EMC2: variants seen among roughly 807,000 people sequenced by gnomAD.
The protein encoded by EMC2 is ER membrane protein complex subunit 2.
A neutral mutation model predicts 51.6 loss-of-function variants in EMC2; 37 were observed. The observed-to-expected ratio is 0.72, with a 90% CI of 0.55 to 0.94. The LOEUF is 0.94. Ranked by LOEUF, EMC2 falls within the 40% of genes least tolerant of loss-of-function variation. EMC2 has a pLI of 0.00. For synonymous variants in EMC2, 131 were observed against 112.4 expected (o/e 1.17, Z -1.04); for missense variants, 359 against 350.9 (o/e 1.02, Z -0.18).
intron 5 of EMC2, among the ~76,000 whole-genome samples, chr8:108,456,263 G>A (rs1819151963): frequency 6.7e-6 from 1 of 149,458 alleles, no homozygotes; most frequent in South Asian, 2.1e-4. Context: ...AACCTGGGTG[G>A]CAGAGGTTGC....
intron 3 of EMC2, among the ~76,000 whole-genome samples, chr8:108,452,011 C>T (rs1427560738): frequency 2.0e-5 from 3 of 152,172 alleles, no homozygotes; most frequent in Admixed American, 6.5e-5. Context: ...TTAATAGTTT[C>T]ATCAGTAGTT....
intron 4 of EMC2, 101 bp downstream of exon 4, chr8:108,453,248 G>A (rs984006993): frequency 7.7e-6 from 4 of 517,230 alleles, no homozygotes; most frequent in South Asian, 3.7e-5. Context: ...GTGGAATACT[G>A]TCTCAATATG....
chr8:108,459,719 AGAGTGTGTGTGT>A (rs1819261832), intron 5 of EMC2, among the ~76,000 whole-genome samples: 4 of 128,982 alleles, frequency 3.1e-5, no homozygotes, highest in Middle Eastern at 7.4e-3. Context: ...AGAGAGAGAG[AGAGTGTGTGTGT>A]GTGTGTGTGT....
At chr8:108,447,108 A>C (rs906131445) in intron 1 of EMC2, among the ~76,000 whole-genome samples, 1 of 152,196 alleles carries the variant, frequency 6.6e-6, no homozygotes, top group Non-Finnish European at 1.5e-5. Context: ...CCTATACATG[A>C]ATCTTTGAGT....
intron 7 of EMC2, among the ~76,000 whole-genome samples, chr8:108,473,164 G>A (rs1042058157): frequency 2.0e-5 from 3 of 151,854 alleles, no homozygotes; most frequent in Admixed American, 2.0e-4. Context: ...CTGATTTATA[G>A]TTTGTTTTTA....
chr8:108,488,166 CT>C lies in EMC2; in HGVS notation c.*1586del, dbSNP rs5893921. ...CTTATAGCTGTCTGCCTTAGTTTCACTTTTTTTTTTTTTTTTTTGAGACAGT... is the reference window on the plus strand; with the variant it reads ...CTTATAGCTGTCTGCCTTAGTTTCACTTTTTTTTTTTTTTTTTGAGACAGT... On this transcript the variant is annotated 3_prime_UTR_variant, in exon 11 of 11. Transcript: ENST00000220853. 0.61 allele frequency among the ~76,000 whole-genome samples: 77,209 copies of C among 127,432 alleles called. 22,267 individuals carry two copies. The highest frequency in any genetic ancestry group is 0.7 in the South Asian group (2,725 of 3,898). The allele number at this position is 127,432 out of a possible 152,430, so 83.6% of individuals were successfully genotyped here. A position where few individuals can be genotyped will look rare whatever the true frequency, so the allele number is the denominator to read the frequency against.
At chr8:108,466,442 A>ATTATTTTTTTTT (rs1819467176) in intron 5 of EMC2, among the ~76,000 whole-genome samples, 2 of 91,062 alleles carry the variant, frequency 2.2e-5, no homozygotes, top group African/African-American at 9.4e-5. Context: ...CTATGATAGA[A>ATTATTTTTTTTT]TTTTTTTTTT....
intron 10 of EMC2, among the ~76,000 whole-genome samples, chr8:108,483,955 A>G (rs1450889491): frequency 6.6e-6 from 1 of 152,084 alleles, no homozygotes; most frequent in African/African-American, 2.4e-5. Context: ...GGATTTTTCT[A>G]CGTATTTATA....
At chr8:108,459,535 T>G (rs895888042) in intron 5 of EMC2, among the ~76,000 whole-genome samples, 2 of 152,126 alleles carry the variant, frequency 1.3e-5, no homozygotes, top group African/African-American at 4.8e-5. Flanking sequence ...GAAACTCCCA[T>G]TTTAAAACTA....
chr8:108,445,378 TG>T (rs1818853864), intron 1 of EMC2, among the ~76,000 whole-genome samples: 1 of 152,226 alleles, frequency 6.6e-6, no homozygotes, highest in African/African-American at 2.4e-5. Context: ...CTTTGTGAGC[TG>T]CCTATGCTGG....
chr8:108,477,724 C>T (rs181150874), intron 9 of EMC2, among the ~76,000 whole-genome samples: 31 of 152,126 alleles, frequency 2.0e-4, no homozygotes, highest in African/African-American at 7.5e-4. Flanking sequence ...CTTGAAAATA[C>T]GCTATAGTAG....
chr8:108,474,533 C>T (rs1255850715), intron 7 of EMC2: 1 of 145,820 alleles, frequency 6.9e-6, no homozygotes, highest in Non-Finnish European at 1.5e-5. Context: ...GGCTAAATAG[C>T]TGCATGATCT....
At chr8:108,445,054 A>G (rs1039860975) in intron 1 of EMC2, among the ~76,000 whole-genome samples, 4 of 152,232 alleles carry the variant, frequency 2.6e-5, no homozygotes, top group Admixed American at 6.5e-5. Context: ...CCTAGATGAT[A>G]GTAGCATATA....
At chr8:108,478,446 T>C (rs1810985744) in intron 9 of EMC2, among the ~76,000 whole-genome samples, 1 of 152,064 alleles carries the variant, frequency 6.6e-6, no homozygotes, top group South Asian at 2.1e-4. Context: ...AGAAATGGAT[T>C]AGAGATAAGG....
In EMC2 at chr8:108,459,721, A is replaced by AGAGAGAGTGTGTGT. The variant is rs763020311; in HGVS notation, c.363+3792_363+3793insAGAGAGTGTGTGTG. Among the ~76,000 whole-genome samples, 861 of 136,934 alleles carry AGAGAGAGTGTGTGT rather than the reference A, an allele frequency of 6.3e-3. 8 individuals are homozygous for AGAGAGAGTGTGTGT. The highest frequency in any genetic ancestry group is 0.023 in the African/African-American group (771 of 33,696). The allele number at this position is 136,934 out of a possible 152,430, so 89.8% of individuals were successfully genotyped here. ...AGCCATGTGAGAGAGAGAGAGAGAG[A>AGAGAGAGTGTGTGT]GTGTGTGTGTGTGTGTGTGTGTGTG... On this transcript the variant is annotated intron_variant, in intron 5 of 10. Coordinates refer to ENST00000220853, the MANE Select transcript of EMC2 (RefSeq NM_014673.5).
chr8:108,466,899 A>C (rs889775933), intron 5 of EMC2, among the ~76,000 whole-genome samples: 1 of 151,866 alleles, frequency 6.6e-6, no homozygotes, highest in Non-Finnish European at 1.5e-5. Context: ...AAGCTGCTGG[A>C]CTCTTTATTC....
Position 108,475,930 on chromosome 8 carries a change from A to G in EMC2, c.558A>G (p.Pro186=). 6.2e-7 allele frequency: 1 copy of G among 1,601,266 alleles called. No individual in the cohort carries two copies. The highest frequency in any genetic ancestry group is 8.5e-7 in the Non-Finnish European group (1 of 1,173,046). The change falls in exon 8 of 11, where the codon CCA becomes CCG. Residue 186 remains proline (P), a synonymous_variant. Transcript: ENST00000220853. The stretch of plus-strand genomic sequence containing the variant: ...TAGAGGAACTAATGATGACTAATCC[A>G]CACAACCACTTATACTGTCAGCAGT... ...FCLEELMMTN[P]HNHLYCQQYA...
Position 108,450,478 on chromosome 8 carries a change from G to C in EMC2, c.205G>C (p.Asp69His). The C allele has an allele frequency of 6.3e-7, 1 of 1,587,368 alleles. No homozygotes were observed. Among genetic ancestry groups the C allele is most frequent in the South Asian group, 1.1e-5 (1 of 90,484 alleles). Residue 69 changes from aspartate to histidine, a missense_variant, in exon 3 of 11, where the codon GAT becomes CAT. Asp to His is a moderately conservative substitution (Grantham distance 81). Transcript: ENST00000220853. ...VMIAALDYGR[D>H]DLALFCLQEL... ...GATTGCAGCACTAGACTATGGTCGGGATGACTTGGCATTGGTAGGTATTTA... is the reference window on the plus strand; with the variant it reads ...GATTGCAGCACTAGACTATGGTCGGCATGACTTGGCATTGGTAGGTATTTA...
intron 5 of EMC2, among the ~76,000 whole-genome samples, chr8:108,462,221 G>T (rs1035060090): frequency 9.8e-6 from 1 of 102,200 alleles, no homozygotes; most frequent in African/African-American, 3.0e-5. Context: ...TTTTGTGTGC[G>T]TGTGTGTGTA....
Sources: gnomAD v4.1 joint callset for allele counts (sites outside exome capture counted in the v4.1 genomes callset) on GRCh38, gnomAD v4.1.1 for gene constraint, MANE v1.5 for transcripts, NCBI Gene and HGNC (gene_info 2026-07-23, HGNC 2026-07-21) for gene names.